LRBA: variants seen among roughly 807,000 people sequenced by gnomAD.
LRBA encodes lipopolysaccharide-responsive and beige-like anchor protein.
LRBA carries 176 observed loss-of-function variants against 330.0 expected under a neutral mutation model. The ratio of observed to expected loss-of-function variants is 0.53; its 90% CI spans 0.47 to 0.60. LRBA has a LOEUF of 0.60. LRBA is among the 20% of genes least tolerant of loss of function. LRBA has a pLI of 0.00. For synonymous variants in LRBA, 1,230 were observed against 1,193.0 expected (o/e 1.03, Z -0.64); for missense variants, 3,259 against 3,444.8 (o/e 0.95, Z 1.35).
At chr4:150,563,798 A>G (rs1768738200) in intron 40 of LRBA, among the ~76,000 whole-genome samples, 1 of 152,170 alleles carries the variant, frequency 6.6e-6, no homozygotes, top group Non-Finnish European at 1.5e-5. Flanking sequence ...CAACAAAGAG[A>G]ATAAAATACC....
At chr4:150,373,177 G>GAGAGAGAGAC (rs1554011510) in intron 47 of LRBA, among the ~76,000 whole-genome samples, 9 of 146,270 alleles carry the variant, frequency 6.2e-5, no homozygotes, top group African/African-American at 2.1e-4. Flanking sequence ...GTGTGTGAGA[G>GAGAGAGAGAC]AGAGAGAGAG....
chr4:150,600,991 G>A (rs1774055506), intron 37 of LRBA, among the ~76,000 whole-genome samples: 1 of 152,160 alleles, frequency 6.6e-6, no homozygotes, highest in Admixed American at 6.5e-5. Flanking sequence ...TCAGGGGAAT[G>A]ATACAATGAG....
intron 2 of LRBA, among the ~76,000 whole-genome samples, chr4:150,946,586 TATA>T (rs1307293640): frequency 6.6e-5 from 10 of 150,448 alleles, no homozygotes; most frequent in Non-Finnish European, 1.2e-4. Flanking sequence ...AAAATAAAAA[TATA>T]ATATATCAAA....
intron 37 of LRBA, among the ~76,000 whole-genome samples, chr4:150,636,623 G>C (rs1431270573): frequency 1.3e-5 from 2 of 152,098 alleles, no homozygotes; most frequent in Non-Finnish European, 2.9e-5. Context: ...CCCCTCAGTG[G>C]ACAAAGCTAG....
In LRBA at chr4:150,310,369, A is replaced by T; in HGVS notation, c.7709T>A (p.Met2570Lys). The change falls in exon 52 of 57, where the codon ATG becomes AAG. Residue 2570 changes from methionine to lysine, a missense_variant. Physicochemically the swap from Met to Lys is moderately conservative, Grantham distance 95. Transcript: ENST00000651943. The part of the protein sequence containing the change: ...IDPLIASNTG[M>K]HRRQITDLLD... ...AAGGTCAGTGATTTGCCTCCTGTGC[A>T]TTCCTGTATTGCTGGCTGTAAGAAT... The T allele has an allele frequency of 6.2e-7, 1 of 1,613,174 alleles. No individual in the cohort carries two copies. Among genetic ancestry groups the T allele is most frequent in the South Asian group, 1.1e-5 (1 of 90,930 alleles).
chr4:150,626,058 T>C (rs1776829237), intron 37 of LRBA, among the ~76,000 whole-genome samples: 3 of 151,912 alleles, frequency 2.0e-5, no homozygotes, highest in Non-Finnish European at 4.4e-5. Flanking sequence ...GAAAAAACAA[T>C]TGGATTAATC....
chr4:150,481,928 C>T (rs1757345501), intron 42 of LRBA, among the ~76,000 whole-genome samples: 2 of 152,054 alleles, frequency 1.3e-5, no homozygotes. Flanking sequence ...GTTTTCATTA[C>T]TCTTGATAAA....
chr4:150,517,056 G>T (rs1762430328), intron 40 of LRBA, among the ~76,000 whole-genome samples: 1 of 152,084 alleles, frequency 6.6e-6, no homozygotes, highest in Admixed American at 6.5e-5. Flanking sequence ...AGTTGACTTG[G>T]CTGGATATCC....
At chr4:150,953,928 C>T (rs1737169975) in intron 2 of LRBA, among the ~76,000 whole-genome samples, 1 of 145,620 alleles carries the variant, frequency 6.9e-6, no homozygotes, top group Non-Finnish European at 1.5e-5. Flanking sequence ...AGCATCTCTG[C>T]CCGGCCACCC....
At chr4:150,885,528 C>A (rs894667622) in intron 17 of LRBA, among the ~76,000 whole-genome samples, 1 of 151,744 alleles carries the variant, frequency 6.6e-6, no homozygotes, top group Non-Finnish European at 1.5e-5. Flanking sequence ...GGCTGAGGCA[C>A]GAGAATCACC....
At chr4:150,972,562 T>C (rs751523097) in intron 2 of LRBA, among the ~76,000 whole-genome samples, 2 of 152,210 alleles carry the variant, frequency 1.3e-5, no homozygotes, top group African/African-American at 2.4e-5. Flanking sequence ...CCCATAAATA[T>C]GTAAAATATT....
At chr4:150,860,547 G>A (rs1055345240) in intron 22 of LRBA, among the ~76,000 whole-genome samples, 19 of 152,102 alleles carry the variant, frequency 1.2e-4, no homozygotes, top group African/African-American at 4.1e-4. Context: ...AAACATATAG[G>A]CCGGGCGCGG....
At chr4:150,385,038 C>A (rs1438771569) in intron 47 of LRBA, among the ~76,000 whole-genome samples, 1 of 151,866 alleles carries the variant, frequency 6.6e-6, no homozygotes, top group East Asian at 1.9e-4. Context: ...GTTTACAAAC[C>A]ATTACTTGAA....
At chr4:150,889,098 G>A (rs922962956) in intron 17 of LRBA, among the ~76,000 whole-genome samples, 3 of 152,130 alleles carry the variant, frequency 2.0e-5, no homozygotes, top group African/African-American at 7.2e-5. Flanking sequence ...CCCTGGGGCA[G>A]GTCAGACTTT....
chr4:150,483,479 T>C (rs1199817149), intron 42 of LRBA, among the ~76,000 whole-genome samples: 1 of 127,262 alleles, frequency 7.9e-6, no homozygotes, highest in East Asian at 2.4e-4. Context: ...AATCAGCTTG[T>C]CTATTTCTCT....
At position 150,681,318 on chromosome 4, in the gene LRBA, G is replaced by A. The variant is rs558259749; in HGVS notation, c.5921+2233C>T. 1.3e-3 allele frequency among the ~76,000 whole-genome samples: 192 copies of A among 152,170 alleles called. 1 individual carries two copies. Among genetic ancestry groups the A allele is most frequent in the Non-Finnish European group, 9.4e-4 (64 of 68,028 alleles). On this transcript the variant is annotated intron_variant, in intron 37 of 56. Coordinates refer to ENST00000651943, the MANE Select transcript of LRBA (RefSeq NM_001364905.1). ...CTGATTATGCAAGCCTCATACAAGGGAAATCAGAGAATAGTTAACCACTGT... is the reference window on the plus strand; with the variant it reads ...CTGATTATGCAAGCCTCATACAAGGAAAATCAGAGAATAGTTAACCACTGT...
chr4:150,911,211 A>C (rs1319705426), intron 9 of LRBA, among the ~76,000 whole-genome samples: 1 of 152,166 alleles, frequency 6.6e-6, no homozygotes, highest in African/African-American at 2.4e-5. Flanking sequence ...CTGGATTTCC[A>C]AATACTATGT....
chr4:150,825,901 C>A (rs1746190595), intron 30 of LRBA, among the ~76,000 whole-genome samples: 1 of 152,028 alleles, frequency 6.6e-6, no homozygotes, highest in Non-Finnish European at 1.5e-5. Flanking sequence ...AGAAATTAAT[C>A]CCGCATAAGA....
intron 18 of LRBA, among the ~76,000 whole-genome samples, chr4:150,872,053 T>C (rs772714614): frequency 6.1e-4 from 93 of 152,230 alleles, no homozygotes; most frequent in Non-Finnish European, 1.1e-3. Flanking sequence ...AACTCAACAC[T>C]GTCCTTGTAT....
Sources: gnomAD v4.1 joint callset for allele counts (sites outside exome capture counted in the v4.1 genomes callset) on GRCh38, gnomAD v4.1.1 for gene constraint, MANE v1.5 for transcripts, NCBI Gene and HGNC (gene_info 2026-07-23, HGNC 2026-07-21) for gene names.